The following MAST4 variants were observed in gnomAD, a reference collection of about 807,000 sequenced individuals.
MAST4 encodes microtubule associated serine/threonine kinase family member 4.
Under a neutral mutation model 162.7 loss-of-function variants are expected in MAST4, and 89 were observed. The ratio of observed to expected loss-of-function variants is 0.55; its 90% confidence interval spans 0.46 to 0.65. The LOEUF (loss-of-function observed/expected upper bound fraction) is 0.65, where lower values mean the gene tolerates loss of function less well. Ranked by LOEUF, MAST4 falls within the 30% of genes least tolerant of loss-of-function variation. The pLI, the probability that MAST4 is intolerant of heterozygous loss-of-function variation, is 0.00. For synonymous variants in MAST4, 1,479 were observed against 1,361.1 expected (o/e 1.09, Z -1.91); for missense variants, 3,153 against 3,374.0 (o/e 0.93, Z 1.62).
intron 3 of MAST4, among the ~76,000 whole-genome samples, chr5:66,856,212 C>CT (rs1759674073): frequency 6.6e-6 from 1 of 152,130 alleles, no homozygotes; most frequent in Non-Finnish European, 1.5e-5. Flanking sequence ...TGAGGTTAGT[C>CT]TGAGCTTGCA....
At chr5:66,988,208 C>G (rs1206945022) in intron 4 of MAST4, among the ~76,000 whole-genome samples, 1 of 152,182 alleles carries the variant, frequency 6.6e-6, no homozygotes, top group Non-Finnish European at 1.5e-5. Context: ...TGCTTCATCT[C>G]TCTGATTCTG....
At chr5:66,852,865 C>T (rs946186963) in intron 3 of MAST4, among the ~76,000 whole-genome samples, 2 of 152,058 alleles carry the variant, frequency 1.3e-5, no homozygotes, top group Admixed American at 6.6e-5. Flanking sequence ...CCCTTTGGTG[C>T]GTGAAGAAAG....
chr5:66,621,073 A>G (rs1266287047), intron 1 of MAST4, among the ~76,000 whole-genome samples: 1 of 152,148 alleles, frequency 6.6e-6, no homozygotes, highest in Non-Finnish European at 1.5e-5. Flanking sequence ...GAAGAGAGAT[A>G]TAAATGAAGA....
rs750360295 is a variant in MAST4 at position 67,110,109 on chromosome 5, T to G, written c.1368T>G (p.Arg456=). ...LDKLLQEAHD[R]SESGELAFIK... is the part of the protein sequence containing the mutation. ...TTGCTTTTTCATAGGCTCATGATCG[T>G]TCAGAAAGTGGAGAATTGGCATTTA... The change falls in exon 11 of 29, where the codon CGT becomes CGG. Residue 456 remains arginine, a synonymous_variant. Transcript: ENST00000403625. 7.4e-6 allele frequency: 12 copies of G among 1,613,010 alleles called. No individual in the cohort carries two copies. The highest frequency in any genetic ancestry group is 9.3e-6 in the Non-Finnish European group (11 of 1,179,000).
chr5:66,609,878 C>T (rs1378999313), intron 1 of MAST4, among the ~76,000 whole-genome samples: 3 of 151,964 alleles, frequency 2.0e-5, no homozygotes, highest in African/African-American at 4.8e-5. Flanking sequence ...CCAAAAGAAA[C>T]CACCATCTTG....
chr5:66,605,072 G>C (rs374832639), intron 1 of MAST4, among the ~76,000 whole-genome samples: 9 of 152,212 alleles, frequency 5.9e-5, no homozygotes, highest in Non-Finnish European at 1.2e-4. Context: ...ATTAGTTTAT[G>C]AAATAAATTA....
chr5:66,866,205 C>CTGCATTT (rs61400765), intron 3 of MAST4, among the ~76,000 whole-genome samples: 79,746 of 151,656 alleles, frequency 0.53, 22,679 homozygotes, highest in Non-Finnish European at 0.64. Flanking sequence ...GTCGTAGGGT[C>CTGCATTT]TGCATTTCAG....
chr5:66,690,830 A>C (rs1360461302), intron 1 of MAST4, among the ~76,000 whole-genome samples: 1 of 152,178 alleles, frequency 6.6e-6, no homozygotes, highest in Non-Finnish European at 1.5e-5. Flanking sequence ...GAAGGTGTTC[A>C]CTGGTGGTTC....
intron 12 of MAST4, 44 bp from the exon 13 acceptor site, chr5:67,118,638 T>G (rs1266710235): frequency 1.7e-6 from 2 of 1,174,140 alleles, no homozygotes; most frequent in Non-Finnish European, 2.5e-6. Flanking sequence ...CTTATCCAAT[T>G]GCAATATTTT....
intron 3 of MAST4, among the ~76,000 whole-genome samples, chr5:66,850,152 A>C (rs1047751660): frequency 5.3e-5 from 8 of 152,186 alleles, no homozygotes; most frequent in Non-Finnish European, 8.8e-5. Context: ...GTTAAAAAAT[A>C]AAAAATAAAG....
intron 4 of MAST4, among the ~76,000 whole-genome samples, chr5:66,945,329 T>C (rs1183337290): frequency 6.6e-6 from 1 of 152,136 alleles, no homozygotes. Context: ...AAATGAACTC[T>C]TTTTAAACAG....
At chr5:66,615,832 C>T (rs1369296059) in intron 1 of MAST4, among the ~76,000 whole-genome samples, 1 of 152,126 alleles carries the variant, frequency 6.6e-6, no homozygotes, top group African/African-American at 2.4e-5. Flanking sequence ...GTATTGAGAT[C>T]CAGACAGACT....
chr5:66,602,156 A>C (rs1425800734), intron 1 of MAST4, among the ~76,000 whole-genome samples: 1 of 152,124 alleles, frequency 6.6e-6, no homozygotes, highest in African/African-American at 2.4e-5. Context: ...TTGAAGGAAA[A>C]ACTTTATTAC....
intron 3 of MAST4, among the ~76,000 whole-genome samples, chr5:66,840,325 G>A (rs1233505258): frequency 1.3e-5 from 2 of 151,870 alleles, no homozygotes; most frequent in African/African-American, 2.4e-5. Context: ...TTTTAGCATC[G>A]TTGTGAATGA....
intron 2 of MAST4, among the ~76,000 whole-genome samples, chr5:66,770,304 T>C (rs1397092587): frequency 6.6e-6 from 1 of 152,212 alleles, no homozygotes; most frequent in Non-Finnish European, 1.5e-5. Context: ...TTTGTAAGTG[T>C]TGCAATTCCT....
intron 4 of MAST4, among the ~76,000 whole-genome samples, chr5:66,951,021 G>A (rs2150129677): frequency 6.6e-6 from 1 of 152,274 alleles, no homozygotes; most frequent in East Asian, 1.9e-4. Context: ...ATGTGAATGT[G>A]CCATAATGTA....
intron 5 of MAST4, among the ~76,000 whole-genome samples, chr5:67,055,603 AT>A (rs1310314206): frequency 6.6e-6 from 1 of 152,188 alleles, no homozygotes; most frequent in Non-Finnish European, 1.5e-5. Flanking sequence ...AATTAAAGGA[AT>A]TAAAGGTGGT....
In MAST4 at chr5:66,780,388, C is replaced by T. The variant is rs558136675; in HGVS notation, c.518-8282C>T. Among the ~76,000 whole-genome samples, 8 of 152,244 alleles carry T rather than the reference C, an allele frequency of 5.3e-5. No homozygotes were observed. The East Asian group carries it at 5.8e-4, about 11-fold the overall frequency. On this transcript the variant is annotated intron_variant, in intron 2 of 28. Transcript: ENST00000403625. ...TCAAGAATGAAGCTGCAGACCTTCGCAGTGAGTGTTACAGTTTTTAAAGAT... is the reference window on the plus strand; with the variant it reads ...TCAAGAATGAAGCTGCAGACCTTCGTAGTGAGTGTTACAGTTTTTAAAGAT...
At chr5:66,691,206 AAAG>A (rs1221613186) in intron 1 of MAST4, among the ~76,000 whole-genome samples, 1 of 152,314 alleles carries the variant, frequency 6.6e-6, no homozygotes, top group East Asian at 1.9e-4. Flanking sequence ...AATTTTGAAA[AAAG>A]ACATTTTTCT....
Sources: allele counts gnomAD v4.1 joint callset (sites outside exome capture counted in the v4.1 genomes callset), GRCh38; gene constraint gnomAD v4.1.1; transcripts MANE v1.5; gene names NCBI Gene and HGNC (gene_info 2026-07-23, HGNC 2026-07-21).